ZNF514: variants seen among roughly 807,000 people sequenced by gnomAD.
ZNF514 encodes the protein zinc finger protein 514.
In ZNF514, 12 loss-of-function variants were observed where a neutral mutation model predicts 9.7. The ratio of observed to expected loss-of-function variants is 1.24; its 90% CI spans 0.79 to 2.01. ZNF514 has a LOEUF of 2.01. Among genes scored for constraint, ZNF514 ranks in the 30% most tolerant of loss-of-function variants. ZNF514 has a pLI of 0.00. For missense variants in ZNF514, 467 were observed against 465.5 expected (o/e 1.00, Z -0.03); for synonymous variants, 158 against 163.7 (o/e 0.97, Z 0.27).
In ZNF514 at chr2:95,159,693, G is replaced by A. The variant is rs1170853695; in HGVS notation, c.-549C>T. On this transcript the variant is annotated 5_prime_UTR_variant, in exon 1 of 5. Coordinates refer to ENST00000295208, the MANE Select transcript of ZNF514 (RefSeq NM_032788.3). ...CCACCCCGCGCCAGCCCCCGCGTCCGCCCCGCGCCAGCCCCCGCGTCCGCC... is the reference window on the plus strand; with the variant it reads ...CCACCCCGCGCCAGCCCCCGCGTCCACCCCGCGCCAGCCCCCGCGTCCGCC... 2.6e-4 allele frequency: 16 copies of A among 60,746 alleles called. No individual in the cohort carries two copies. The highest frequency in any genetic ancestry group is 8.8e-4 in the African/African-American group (14 of 15,956). 3.8% of individuals were successfully genotyped at this position (60,746 alleles called of 1,614,324 possible).
intron 2 of ZNF514, chr2:95,155,683 T>C (rs1673670127): frequency 6.6e-6 from 1 of 152,164 alleles, no homozygotes; most frequent in Admixed American, 6.5e-5. Context: ...TATACAGTGA[T>C]AGATGAATTA....
rs898757550 is a variant in ZNF514, at chr2:95,146,619, G to T, written c.*2663C>A. Among the ~76,000 whole-genome samples the T allele has an allele frequency of 1.3e-5, 2 of 150,552 alleles. No individual in the cohort carries two copies. Among genetic ancestry groups the T allele is most frequent in the East Asian group, 1.9e-4 (1 of 5,160 alleles). On this transcript the variant is annotated 3_prime_UTR_variant, in exon 5 of 5. Coordinates refer to ENST00000295208, the MANE Select transcript of ZNF514 (RefSeq NM_032788.3). Reference sequence around the variant, plus strand: ...AGAGGGCATTATATACCACACACGGGGGGTGAGGATTTATCTTGTAGGCCG... The same window carrying T: ...AGAGGGCATTATATACCACACACGGTGGGTGAGGATTTATCTTGTAGGCCG...
chr2:95,131,222 GCTC>G, the ZNF514 span, among the ~76,000 whole-genome samples: 1 of 152,090 alleles, frequency 6.6e-6, no homozygotes, highest in Non-Finnish European at 1.5e-5. Flanking sequence ...AATCAGGAGG[GCTC>G]CTAATGCCCT....
the ZNF514 span, among the ~76,000 whole-genome samples, chr2:95,135,688 C>G: frequency 6.6e-6 from 1 of 152,194 alleles, no homozygotes; most frequent in South Asian, 2.1e-4. Flanking sequence ...CCCTAAAGTG[C>G]TGGGATTACA....
At chr2:95,140,359 C>T (rs1288695483), downstream of ZNF514, among the ~76,000 whole-genome samples, 1 of 152,140 alleles carries the variant, frequency 6.6e-6, no homozygotes, top group African/African-American at 2.4e-5. Context: ...ATGGCTCACG[C>T]CTGTAATCCC....
chr2:95,125,777 G>A, the ZNF514 span, among the ~76,000 whole-genome samples: 1 of 152,154 alleles, frequency 6.6e-6, no homozygotes, highest in Non-Finnish European at 1.5e-5. Flanking sequence ...CAGGTATAGC[G>A]TGTGCCAGAA....
chr2:95,149,684 T>C lies in ZNF514; in HGVS notation c.801A>G (p.Arg267=), dbSNP rs758037257. Residue 267 remains arginine, a synonymous_variant, in exon 5 of 5, where the codon AGA becomes AGG. Transcript: ENST00000295208. ...EKPYECSECG[R]AFSQSSSLVL... is the part of the protein sequence containing the mutation. ...CAAGAGACGAACTCTGGCTGAAGGC[T>C]CTCCCACATTCACTGCATTCATAGG... The C allele has an allele frequency of 6.2e-7, 1 of 1,614,226 alleles. No homozygotes were observed. Among genetic ancestry groups the C allele is most frequent in the East Asian group, 2.2e-5 (1 of 44,884 alleles).
In ZNF514 at chr2:95,149,401, G is replaced by A. The variant is rs1019653484; in HGVS notation, c.1084C>T (p.His362Tyr). The A allele has an allele frequency of 2.5e-5, 40 of 1,614,044 alleles. No homozygotes were observed. The highest frequency in any genetic ancestry group is 3.4e-5 in the Non-Finnish European group (40 of 1,180,026). The change falls in exon 5 of 5, where the codon CAT becomes TAT. Residue 362 changes from histidine (H) to tyrosine (Y), a missense_variant. By Grantham distance (83) the His-to-Tyr change is moderately conservative (BLOSUM62 2). Coordinates refer to ENST00000295208, the MANE Select transcript of ZNF514 (RefSeq NM_032788.3). ...TTCTCTCCAGTGTGAAATCTGTAAT[G>A]TTGAGTGAGAGATGAACTCTGGCTG... ...AFSQSSSLTQHYRFHTGEKPY... is the reference protein window; with the variant it reads ...AFSQSSSLTQYYRFHTGEKPY...
At chr2:95,134,259 A>C in the ZNF514 span, among the ~76,000 whole-genome samples, 1 of 152,282 alleles carries the variant, frequency 6.6e-6, no homozygotes, top group East Asian at 1.9e-4. Flanking sequence ...TGCTCAAACC[A>C]GGCCAGCAAA....
chr2:95,157,482 G>T, intron 1 of ZNF514, 43 bp from the exon 2 acceptor site: 1 of 1,166,040 alleles, frequency 8.6e-7, no homozygotes, highest in African/African-American at 1.6e-5. Flanking sequence ...GACCCAGCCA[G>T]CACACACAGC....
chr2:95,136,866 A>C, the ZNF514 span, among the ~76,000 whole-genome samples: 1 of 152,334 alleles, frequency 6.6e-6, no homozygotes, highest in Middle Eastern at 3.4e-3. Context: ...CAGATGGCAG[A>C]ACTTATCTCA....
At chr2:95,137,975 C>A in the ZNF514 span, among the ~76,000 whole-genome samples, 10 of 152,160 alleles carry the variant, frequency 6.6e-5, no homozygotes, top group Non-Finnish European at 1.3e-4. Context: ...CCCATCAACT[C>A]TTTCTCACTC....
chr2:95,159,715 CGCCCCGCGCCA>C lies in ZNF514; in HGVS notation c.-582_-572del, dbSNP rs894903754. On this transcript the variant is annotated 5_prime_UTR_variant, in exon 1 of 5. Transcript: ENST00000295208. The stretch of plus-strand genomic sequence containing the variant: ...TCCGCCCCGCGCCAGCCCCCGCGTC[CGCCCCGCGCCA>C]GCCCCCGCGTCCGCCCCGCGCCAGC... 12 of 140,680 alleles carry C rather than the reference CGCCCCGCGCCA, an allele frequency of 8.5e-5. No individual in the cohort carries two copies. The highest frequency in any genetic ancestry group is 1.4e-4 in the Non-Finnish European group (9 of 63,830). The allele number at this position is 140,680 out of a possible 1,614,324, so 8.7% of individuals were successfully genotyped here.
At chr2:95,134,082 T>G in the ZNF514 span, among the ~76,000 whole-genome samples, 2 of 152,312 alleles carry the variant, frequency 1.3e-5, no homozygotes, top group South Asian at 4.1e-4. Flanking sequence ...AGAATGGATA[T>G]CTTATACCAA....
At chr2:95,128,583 GGAT>G in the ZNF514 span, among the ~76,000 whole-genome samples, 1 of 151,122 alleles carries the variant, frequency 6.6e-6, no homozygotes, top group African/African-American at 2.4e-5. Context: ...AGAAGGAAGA[GGAT>G]GAGGAGGAGG....
the ZNF514 span, among the ~76,000 whole-genome samples, chr2:95,125,259 C>T: frequency 7.4e-6 from 1 of 135,176 alleles, no homozygotes; most frequent in South Asian, 2.4e-4. Flanking sequence ...GACGGAGTCT[C>T]GCGTCGCGTC....
rs1188934982 is a variant in ZNF514 at position 95,152,723 on chromosome 2, C to T, written c.168G>A (p.Gly56=). Residue 56 remains glycine, a synonymous_variant, in exon 4 of 5, where the codon GGG becomes GGA. Transcript: ENST00000295208. ...CTCTCTCCACCATGAAGGGCTCACC[C>T]CCTTCCTCCAACTGGCAGATCACAT... ...KPYVICQLEE[G]GEPFMVEREI... 6.2e-7 allele frequency: 1 copy of T among 1,614,194 alleles called. No homozygotes were observed.
the ZNF514 span, among the ~76,000 whole-genome samples, chr2:95,125,791 CCTTA>C: frequency 6.6e-6 from 1 of 152,132 alleles, no homozygotes; most frequent in Admixed American, 6.5e-5. Flanking sequence ...GCCAGAATGT[CCTTA>C]CTTTTAATAT....
intron 1 of ZNF514, chr2:95,158,855 C>G: frequency 7.8e-7 from 1 of 1,289,242 alleles, no homozygotes; most frequent in Non-Finnish European, 1.0e-6. Context: ...GAAGTACAGC[C>G]TCACCCTTCA....
Sources: gnomAD v4.1 joint callset for allele counts (sites outside exome capture counted in the v4.1 genomes callset) on GRCh38, gnomAD v4.1.1 for gene constraint, MANE v1.5 for transcripts, NCBI Gene and HGNC (gene_info 2026-07-23, HGNC 2026-07-21) for gene names.